The following ZPR1 variants were observed in gnomAD, a reference collection of about 807,000 sequenced individuals.
ZPR1 encodes zinc finger protein ZPR1.
Under a neutral mutation model 59.6 loss-of-function variants are expected in ZPR1, and 37 were observed. The ratio of observed to expected loss-of-function variants is 0.62; its 90% CI spans 0.48 to 0.82. The LOEUF is 0.82. Among genes scored for constraint, ZPR1 ranks in the 40% least tolerant of loss-of-function variants. ZPR1 has a pLI of 0.00. For missense variants in ZPR1, 527 were observed against 579.9 expected (o/e 0.91, Z 0.94); for synonymous variants, 191 against 215.2 (o/e 0.89, Z 0.99).
At chr11:116,785,757 T>C in intron 5 of ZPR1, 39 bp downstream of exon 5, 1 of 1,611,932 alleles carries the variant, frequency 6.2e-7, no homozygotes, top group Non-Finnish European at 8.5e-7. Flanking sequence ...TGGTCCCTCC[T>C]CCCCTAATCA....
At chr11:116,782,812 A>C (rs1197506475) in intron 11 of ZPR1, 107 bp downstream of exon 11, 1 of 833,552 alleles carries the variant, frequency 1.2e-6, no homozygotes, top group East Asian at 2.5e-5. Flanking sequence ...AAGGCAAAGA[A>C]ACCCACAGTT....
intron 11 of ZPR1, among the ~76,000 whole-genome samples, chr11:116,782,571 G>A (rs970322127): frequency 6.6e-6 from 1 of 152,198 alleles, no homozygotes; most frequent in Non-Finnish European, 1.5e-5. Flanking sequence ...AATTCATCAA[G>A]GAGATAAACA....
In ZPR1 at chr11:116,774,602, A is replaced by AT. The variant is rs1356515657; in HGVS notation, c.*4322dup. ...CTTGGGGATCAGTCTTGAAGCATGA[A>AT]TTTTTACCCAGTGGGCCATGTTGAG... is the stretch of plus-strand genomic sequence containing the variant. On this transcript the variant is annotated 3_prime_UTR_variant, in exon 14 of 14. Transcript: ENST00000227322. 6.6e-6 allele frequency: 1 copy of AT among 152,172 alleles called. No individual in the cohort carries two copies. The highest frequency in any genetic ancestry group is 1.5e-5 in the Non-Finnish European group (1 of 68,038). 9.4% of individuals were successfully genotyped at this position (152,172 alleles called of 1,614,324 possible). A position where few individuals can be genotyped will look rare whatever the true frequency, so the allele number is the denominator to read the frequency against.
In ZPR1 at chr11:116,782,905, C is replaced by T. The variant is rs1337289074; in HGVS notation, c.1092+14G>A. 6.2e-7 allele frequency: 1 copy of T among 1,610,664 alleles called. No homozygotes were observed. The highest frequency in any genetic ancestry group is 1.7e-5 in the Admixed American group (1 of 60,024). On this transcript the variant is annotated intron_variant, in intron 11 of 13. Transcript: ENST00000227322. The stretch of plus-strand genomic sequence containing the variant: ...TTGCTCAAAGGTGGTTTACACACTA[C>T]TCAAGTGACTCACCAGTTCCCGGAT...
chr11:116,781,968 C>A (rs906842922), intron 12 of ZPR1, among the ~76,000 whole-genome samples, 190 bp downstream of exon 12: 1 of 151,270 alleles, frequency 6.6e-6, no homozygotes, highest in African/African-American at 2.4e-5. Flanking sequence ...GCCGAGATCA[C>A]GCCACTGCAC....
chr11:116,779,157 G>T (rs1318611936), intron 13 of ZPR1, 98 bp from the exon 14 acceptor site: 1 of 1,528,942 alleles, frequency 6.5e-7, no homozygotes, highest in Admixed American at 2.0e-5. Context: ...AATGAGTTTT[G>T]GGTTTTTTTC....
chr11:116,781,769 T>C lies in ZPR1; in HGVS notation c.1179+389A>G, dbSNP rs150144671. ...GGCTCACGCCTGTAATCCCAGCACTTTGGGAAGCCCAGGCAGGCAGATCAC... is the reference window on the plus strand; with the variant it reads ...GGCTCACGCCTGTAATCCCAGCACTCTGGGAAGCCCAGGCAGGCAGATCAC... On this transcript the variant is annotated intron_variant, in intron 12 of 13. Transcript: ENST00000227322. Among the ~76,000 whole-genome samples the C allele has an allele frequency of 2.3e-3, 353 of 152,186 alleles. 3 individuals are homozygous for C. The highest frequency in any genetic ancestry group is 8.0e-3 in the African/African-American group (334 of 41,532).
intron 12 of ZPR1, among the ~76,000 whole-genome samples, chr11:116,781,581 A>G (rs1940805096): frequency 6.6e-6 from 1 of 152,252 alleles, no homozygotes; most frequent in African/African-American, 2.4e-5. Flanking sequence ...CTCTAGTGTG[A>G]TAACAGAATA....
chr11:116,783,702 C>T, intron 9 of ZPR1, 83 bp from the exon 10 acceptor site: 2 of 1,132,820 alleles, frequency 1.8e-6, no homozygotes, highest in Non-Finnish European at 2.7e-6. Context: ...TAGGCTTGGA[C>T]ATCCAATCAG....
chr11:116,784,280 C>G (rs188924910), intron 9 of ZPR1, 98 bp downstream of exon 9: 2 of 1,289,366 alleles, frequency 1.6e-6, no homozygotes, highest in Non-Finnish European at 2.2e-6. Flanking sequence ...CTACTCTACA[C>G]CCCCTGCCCC....
chr11:116,787,414 C>A, intron 2 of ZPR1, 68 bp downstream of exon 2: 2 of 1,530,456 alleles, frequency 1.3e-6, no homozygotes, highest in Non-Finnish European at 1.8e-6. Context: ...CCGCCTGGAC[C>A]AGAGCTCTGA....
At chr11:116,779,454 C>T (rs929544434) in intron 13 of ZPR1, among the ~76,000 whole-genome samples, 1 of 152,126 alleles carries the variant, frequency 6.6e-6, no homozygotes, top group Non-Finnish European at 1.5e-5. Context: ...CTATCTTGGC[C>T]TCCGGACAAG....
intron 13 of ZPR1, among the ~76,000 whole-genome samples, chr11:116,779,564 C>CA (rs1565319933): frequency 5.3e-5 from 8 of 150,790 alleles, no homozygotes. Flanking sequence ...TCAGAGTATC[C>CA]TTTTTTTTTC....
intron 12 of ZPR1, among the ~76,000 whole-genome samples, chr11:116,780,668 G>A (rs960832780): frequency 6.6e-6 from 1 of 152,158 alleles, no homozygotes; most frequent in African/African-American, 2.4e-5. Flanking sequence ...ACTAGCCCAA[G>A]AGGAAAGACC....
intron 6 of ZPR1, 151 bp downstream of exon 6, chr11:116,785,363 C>G (rs1333130731): frequency 3.0e-5 from 37 of 1,252,144 alleles, no homozygotes; most frequent in Non-Finnish European, 4.1e-5. Flanking sequence ...TGAAGTTTAC[C>G]CAAGTCCTGG....
At chr11:116,783,427 C>G in intron 10 of ZPR1, 103 bp downstream of exon 10, 1 of 999,312 alleles carries the variant, frequency 1.0e-6, no homozygotes, top group Non-Finnish European at 1.6e-6. Flanking sequence ...GTAGGAGATA[C>G]CTCATGTCCC....
intron 10 of ZPR1, 101 bp downstream of exon 10, chr11:116,783,429 T>C: frequency 9.8e-7 from 1 of 1,021,986 alleles, no homozygotes; most frequent in Non-Finnish European, 1.5e-6. Flanking sequence ...AGGAGATACC[T>C]CATGTCCCTG....
intron 13 of ZPR1, among the ~76,000 whole-genome samples, chr11:116,779,404 C>G (rs1940770488): frequency 6.6e-6 from 1 of 152,206 alleles, no homozygotes; most frequent in African/African-American, 2.4e-5. Flanking sequence ...ACATCAATCA[C>G]CAGACTCTCT....
chr11:116,787,221 G>GCACAC, intron 2 of ZPR1, 162 bp from the exon 3 acceptor site: 2 of 701,414 alleles, frequency 2.9e-6, no homozygotes. Context: ...CAGGTGGTGT[G>GCACAC]AGCCAGGCTG....
Sources: allele counts gnomAD v4.1 joint callset (sites outside exome capture counted in the v4.1 genomes callset), GRCh38; gene constraint gnomAD v4.1.1; transcripts MANE v1.5; gene names NCBI Gene and HGNC (gene_info 2026-07-23, HGNC 2026-07-21).